EFCAB11: variants seen among roughly 807,000 people sequenced by gnomAD.
EFCAB11 encodes EF-hand calcium-binding domain-containing protein 11.
In EFCAB11, 14 loss-of-function variants were observed where a neutral mutation model predicts 23.0. The ratio of observed to expected loss-of-function variants is 0.61; its 90% CI spans 0.40 to 0.95. The LOEUF (loss-of-function observed/expected upper bound fraction) is 0.95, where lower values mean the gene tolerates loss of function less well. EFCAB11 is among the 40% of genes least tolerant of loss of function. The probability of loss-of-function intolerance (pLI) is 0.00; values close to 1 mark genes in which losing one functional copy is unlikely to be tolerated. For synonymous variants in EFCAB11, 65 were observed against 66.6 expected, an observed-to-expected ratio of 0.98 and a Z score of 0.11; for missense variants, 198 against 195.8, an observed-to-expected ratio of 1.01 and a Z score of -0.07.
At chr14:89,944,934 ATAATAAAT>A (rs1890918249) in intron 3 of EFCAB11, among the ~76,000 whole-genome samples, 1 of 120,940 alleles carries the variant, frequency 8.3e-6, no homozygotes, top group African/African-American at 3.2e-5. Context: ...ATTAGATCTA[ATAATAAAT>A]CTAATAAAAT....
Position 89,815,513 on chromosome 14 carries a change from G to A in EFCAB11, c.411-18189C>T, listed in dbSNP as rs912037589. On this transcript the variant is annotated intron_variant, in intron 5 of 5. Transcript: ENST00000316738. ...GTGATCTCGGCTCACTGCAACCTCCGCCTCCCAGGTTCAAGCAATTTTCCT... is the reference window on the plus strand; with the variant it reads ...GTGATCTCGGCTCACTGCAACCTCCACCTCCCAGGTTCAAGCAATTTTCCT... Among the ~76,000 whole-genome samples the A allele has an allele frequency of 6.0e-5, 9 of 148,958 alleles. No individual in the cohort carries two copies. In the East Asian group the frequency reaches 1.0e-3, roughly 17 times the overall value.
chr14:89,837,152 C>T (rs1887113625), intron 5 of EFCAB11: 1 of 455,388 alleles, frequency 2.2e-6, no homozygotes, highest in African/African-American at 2.0e-5. Context: ...GCCTCTGCAA[C>T]ATACAGAAAT....
intron 5 of EFCAB11, among the ~76,000 whole-genome samples, chr14:89,887,074 C>G (rs1376213067): frequency 6.6e-6 from 1 of 152,164 alleles, no homozygotes; most frequent in Non-Finnish European, 1.5e-5. Flanking sequence ...AACAAGTGCT[C>G]TGAACTAACC....
Position 89,841,246 on chromosome 14 carries a change from T to C in EFCAB11, c.411-43922A>G, listed in dbSNP as rs1364921939. On this transcript the variant is annotated intron_variant, in intron 5 of 5. Transcript: ENST00000316738. ...TTGGAGACATGGCTTCTCTCCATAT[T>C]TTCCCCAATCCTTTCACCGCCTGAC... Among the ~76,000 whole-genome samples, 5 of 152,258 alleles carry C rather than the reference T, an allele frequency of 3.3e-5. No homozygotes were observed. In the East Asian group the frequency reaches 9.7e-4, roughly 29 times the overall value.
intron 5 of EFCAB11, among the ~76,000 whole-genome samples, chr14:89,842,585 TTAATATGATATAATATGATATGATA>T (rs1241030534): frequency 5.2e-4 from 73 of 139,754 alleles, no homozygotes; most frequent in African/African-American, 2.0e-3. Context: ...AAAAAATAAA[TTAATATGATATAATATGATATGATA>T]TGATATGATA....
intron 5 of EFCAB11, among the ~76,000 whole-genome samples, chr14:89,835,987 G>C (rs182711920): frequency 1.3e-5 from 2 of 152,266 alleles, no homozygotes; most frequent in Admixed American, 1.3e-4. Flanking sequence ...AGAAGATGGA[G>C]AGTCAGGTTG....
intron 5 of EFCAB11, among the ~76,000 whole-genome samples, chr14:89,888,277 C>T (rs1450108332): frequency 6.6e-6 from 1 of 152,176 alleles, no homozygotes; most frequent in East Asian, 1.9e-4. Context: ...GACTAGAGTT[C>T]TCTCCTTTCA....
rs555593534 is a variant in EFCAB11, at chr14:89,905,897, A to G, written c.410+25644T>C. On this transcript the variant is annotated intron_variant, in intron 5 of 5. Transcript: ENST00000316738. ...CGGAAAAGGAAAAATCAATGACTGC[A>G]AGAATGAAACAGAAAATCATGATAT... 2.0e-5 allele frequency among the ~76,000 whole-genome samples: 3 copies of G among 152,322 alleles called. No individual in the cohort carries two copies. The South Asian group carries it at 6.2e-4, about 32-fold the overall frequency.
chr14:89,895,412 C>T (rs1185768990), intron 5 of EFCAB11, among the ~76,000 whole-genome samples: 1 of 151,938 alleles, frequency 6.6e-6, no homozygotes, highest in Non-Finnish European at 1.5e-5. Context: ...CTGCTAAAGA[C>T]GAAAAATAAG....
chr14:89,839,742 C>T (rs546728438), intron 5 of EFCAB11, among the ~76,000 whole-genome samples: 7 of 150,922 alleles, frequency 4.6e-5, no homozygotes, highest in African/African-American at 1.7e-4. Flanking sequence ...AACTTACAAT[C>T]ATGGTGGAAT....
chr14:89,866,584 TA>T (rs1719155807), intron 5 of EFCAB11, among the ~76,000 whole-genome samples: 1 of 152,274 alleles, frequency 6.6e-6, no homozygotes, highest in African/African-American at 2.4e-5. Flanking sequence ...GCGTCTTGCC[TA>T]AAATGCTCTC....
At chr14:89,857,533 TA>T (rs1251877541) in intron 5 of EFCAB11, among the ~76,000 whole-genome samples, 7 of 151,976 alleles carry the variant, frequency 4.6e-5, no homozygotes, top group Non-Finnish European at 8.8e-5. Context: ...AAAGTTCCTA[TA>T]AAAAAATCAC....
chr14:89,822,630 A>G (rs966201683), intron 5 of EFCAB11, among the ~76,000 whole-genome samples: 2 of 152,186 alleles, frequency 1.3e-5, no homozygotes, highest in Non-Finnish European at 2.9e-5. Context: ...CAAATATTGT[A>G]TGGACACACA....
chr14:89,816,716 T>C (rs1194442596), intron 5 of EFCAB11, among the ~76,000 whole-genome samples: 1 of 152,104 alleles, frequency 6.6e-6, no homozygotes, highest in African/African-American at 2.4e-5. Flanking sequence ...CTTGCCACGG[T>C]GAAAAGGCAA....
At chr14:89,920,878 A>G (rs1224120267) in intron 5 of EFCAB11, among the ~76,000 whole-genome samples, 1 of 152,136 alleles carries the variant, frequency 6.6e-6, no homozygotes, top group African/African-American at 2.4e-5. Context: ...CGGCCTGGCC[A>G]ACATGGTGAA....
At chr14:89,916,463 T>C (rs1302703739) in intron 5 of EFCAB11, among the ~76,000 whole-genome samples, 1 of 152,234 alleles carries the variant, frequency 6.6e-6, no homozygotes, top group African/African-American at 2.4e-5. Flanking sequence ...GCTATACAAA[T>C]GTGTACTCAA....
At chr14:89,826,884 G>C (rs115325251) in intron 5 of EFCAB11, among the ~76,000 whole-genome samples, 1 of 152,028 alleles carries the variant, frequency 6.6e-6, no homozygotes, top group Non-Finnish European at 1.5e-5. Flanking sequence ...ATGATGCCAC[G>C]GCATGACCCG....
intron 2 of EFCAB11, among the ~76,000 whole-genome samples, chr14:89,953,687 T>C (rs1814229887): frequency 6.6e-6 from 1 of 152,232 alleles, no homozygotes; most frequent in Non-Finnish European, 1.5e-5. Context: ...ATTAGCAGCC[T>C]GGTGGTGAGA....
At chr14:89,948,596 T>C (rs1453996246) in intron 3 of EFCAB11, among the ~76,000 whole-genome samples, 1 of 152,192 alleles carries the variant, frequency 6.6e-6, no homozygotes, top group Admixed American at 6.5e-5. Flanking sequence ...TCAGTGTCCA[T>C]CAACAGATGA....
Sources: gnomAD v4.1 joint callset for allele counts (sites outside exome capture counted in the v4.1 genomes callset) on GRCh38, gnomAD v4.1.1 for gene constraint, MANE v1.5 for transcripts, NCBI Gene and HGNC (gene_info 2026-07-23, HGNC 2026-07-21) for gene names.